GNAQ: variants seen among roughly 807,000 people sequenced by gnomAD.
GNAQ encodes G protein subunit alpha q.
In GNAQ, 8 loss-of-function variants were observed where a neutral mutation model predicts 43.9. The ratio of observed to expected loss-of-function variants is 0.18; its 90% confidence interval spans 0.11 to 0.33. The LOEUF (loss-of-function observed/expected upper bound fraction) is 0.33, where lower values mean the gene tolerates loss of function less well. GNAQ is among the 10% of genes least tolerant of loss of function. The probability of loss-of-function intolerance (pLI) is 1.00; values close to 1 mark genes in which losing one functional copy is unlikely to be tolerated. For missense variants in GNAQ, 158 were observed against 450.8 expected (o/e 0.35, Z 5.88); for synonymous variants, 155 against 170.7 (o/e 0.91, Z 0.71).
chr9:77,941,227 T>TA (rs918714002), intron 1 of GNAQ, among the ~76,000 whole-genome samples: 14 of 151,746 alleles, frequency 9.2e-5, no homozygotes, highest in Non-Finnish European at 1.5e-4. Flanking sequence ...CAAAGCTTTC[T>TA]AAAAAAACTC....
chr9:77,881,176 A>G (rs1828201038), intron 2 of GNAQ, among the ~76,000 whole-genome samples: 1 of 152,062 alleles, frequency 6.6e-6, no homozygotes, highest in South Asian at 2.1e-4. Context: ...AATTATGTTT[A>G]CCATTTATTT....
intron 3 of GNAQ, among the ~76,000 whole-genome samples, chr9:77,805,378 C>A (rs1197863802): frequency 6.6e-6 from 1 of 152,078 alleles, no homozygotes; most frequent in Non-Finnish European, 1.5e-5. Context: ...CATTTATTAA[C>A]AGGCATTTTG....
chr9:77,992,569 G>C (rs975240714), intron 1 of GNAQ, among the ~76,000 whole-genome samples: 2 of 152,032 alleles, frequency 1.3e-5, no homozygotes, highest in African/African-American at 4.8e-5. Context: ...GAAAATTCTT[G>C]ATCCAAGTAA....
At chr9:78,022,479 A>G (rs564801928) in intron 1 of GNAQ, among the ~76,000 whole-genome samples, 1 of 152,372 alleles carries the variant, frequency 6.6e-6, no homozygotes, top group Admixed American at 6.5e-5. Flanking sequence ...TAGAAAAGAT[A>G]TATGTAACGA....
At chr9:77,935,611 T>C (rs1420989274) in intron 1 of GNAQ, among the ~76,000 whole-genome samples, 1 of 152,240 alleles carries the variant, frequency 6.6e-6, no homozygotes, top group Non-Finnish European at 1.5e-5. Context: ...ATGCTTCTTG[T>C]GTGTTCCACA....
chr9:77,752,250 GAGTATTCCAA>G (rs1420715084), intron 5 of GNAQ, among the ~76,000 whole-genome samples: 1 of 152,174 alleles, frequency 6.6e-6, no homozygotes, highest in Non-Finnish European at 1.5e-5. Context: ...AAAATGGCAG[GAGTATTCCAA>G]AGTATTACAG....
chr9:77,726,715 T>C (rs1357892599), intron 6 of GNAQ, among the ~76,000 whole-genome samples: 1 of 152,218 alleles, frequency 6.6e-6, no homozygotes, highest in Non-Finnish European at 1.5e-5. Flanking sequence ...TAGATACTTT[T>C]GGGTTTCTGC....
chr9:77,908,982 C>T (rs1828755659), intron 2 of GNAQ, among the ~76,000 whole-genome samples: 1 of 152,194 alleles, frequency 6.6e-6, no homozygotes, highest in South Asian at 2.1e-4. Context: ...AGACCCAAAG[C>T]TGTCATCACT....
At chr9:77,903,212 C>T (rs1450657669) in intron 2 of GNAQ, among the ~76,000 whole-genome samples, 3 of 152,006 alleles carry the variant, frequency 2.0e-5, no homozygotes, top group Non-Finnish European at 4.4e-5. Context: ...TTGAGGAGCC[C>T]CAGATCCCAC....
At chr9:78,016,172 G>C (rs1383302589) in intron 1 of GNAQ, among the ~76,000 whole-genome samples, 2 of 152,152 alleles carry the variant, frequency 1.3e-5, no homozygotes, top group African/African-American at 4.8e-5. Context: ...TGTGACCTTG[G>C]ATTTTTCCAA....
chr9:77,962,091 G>A (rs2118424396), intron 1 of GNAQ, among the ~76,000 whole-genome samples: 1 of 152,076 alleles, frequency 6.6e-6, no homozygotes, highest in East Asian at 1.9e-4. Context: ...AAACATATGT[G>A]AACCTGATGA....
At chr9:78,002,046 A>G (rs1362825435) in intron 1 of GNAQ, among the ~76,000 whole-genome samples, 1 of 152,236 alleles carries the variant, frequency 6.6e-6, no homozygotes, top group East Asian at 1.9e-4. Flanking sequence ...ATTTGTCAAT[A>G]TAAGGCCATT....
chr9:77,761,037 G>A (rs1826000057), intron 5 of GNAQ, among the ~76,000 whole-genome samples: 2 of 152,042 alleles, frequency 1.3e-5, no homozygotes, highest in Admixed American at 6.5e-5. Flanking sequence ...GAAGTGAGGA[G>A]CCCCTCCGCC....
At chr9:77,761,584 C>T (rs1392611967) in intron 5 of GNAQ, among the ~76,000 whole-genome samples, 244 of 135,554 alleles carry the variant, frequency 1.8e-3, no homozygotes, top group African/African-American at 6.6e-3. Flanking sequence ...CTGCCTCGCC[C>T]GGGAGGTGAG....
intron 5 of GNAQ, among the ~76,000 whole-genome samples, chr9:77,773,803 GCA>G (rs1398011843): frequency 4.6e-5 from 7 of 152,140 alleles, no homozygotes; most frequent in African/African-American, 1.7e-4. Context: ...CTGAAGAATG[GCA>G]CATATATTAT....
intron 1 of GNAQ, among the ~76,000 whole-genome samples, chr9:77,986,394 A>G (rs964228575): frequency 2.0e-5 from 3 of 152,206 alleles, no homozygotes; most frequent in Middle Eastern, 3.2e-3. Flanking sequence ...TCTCTATAAA[A>G]GCAGCAACCC....
intron 2 of GNAQ, among the ~76,000 whole-genome samples, chr9:77,881,004 C>T (rs1273923420): frequency 1.3e-5 from 2 of 152,268 alleles, no homozygotes; most frequent in South Asian, 2.1e-4. Flanking sequence ...ACGTCCCTGC[C>T]AGGCTCACCA....
intron 1 of GNAQ, among the ~76,000 whole-genome samples, chr9:77,988,829 G>C (rs1823474004): frequency 6.6e-6 from 1 of 152,020 alleles, no homozygotes; most frequent in Non-Finnish European, 1.5e-5. Flanking sequence ...TCAAATACTG[G>C]GGACTTTTTT....
intron 2 of GNAQ, among the ~76,000 whole-genome samples, chr9:77,900,439 T>G (rs1034442495): frequency 6.6e-6 from 1 of 152,226 alleles, no homozygotes; most frequent in Non-Finnish European, 1.5e-5. Flanking sequence ...GTGGGATAAC[T>G]ATACGGAATC....
Sources: allele counts gnomAD v4.1 joint callset (sites outside exome capture counted in the v4.1 genomes callset), GRCh38; gene constraint gnomAD v4.1.1; transcripts MANE v1.5; gene names NCBI Gene and HGNC (gene_info 2026-07-23, HGNC 2026-07-21).